DAB1: variants seen among roughly 807,000 people sequenced by gnomAD.
The protein encoded by DAB1 is disabled homolog 1.
Under a neutral mutation model 64.6 loss-of-function variants are expected in DAB1, and 15 were observed. The ratio of observed to expected loss-of-function variants is 0.23; its 90% CI spans 0.16 to 0.36. The LOEUF (loss-of-function observed/expected upper bound fraction) is 0.36, where lower values mean the gene tolerates loss of function less well. DAB1 is among the 10% of genes least tolerant of loss of function. DAB1 has a pLI of 1.00. For synonymous variants in DAB1, 235 were observed against 251.9 expected (o/e 0.93, Z 0.64); for missense variants, 596 against 706.7 (o/e 0.84, Z 1.78).
At chr1:57,688,788 C>G (rs889985560) in intron 6 of DAB1, among the ~76,000 whole-genome samples, 1 of 152,142 alleles carries the variant, frequency 6.6e-6, no homozygotes, top group African/African-American at 2.4e-5. Context: ...GCTAGTGACC[C>G]TGTTCCTAAG....
intron 7 of DAB1, among the ~76,000 whole-genome samples, chr1:57,069,909 G>A (rs771015558): frequency 5.3e-5 from 8 of 152,092 alleles, no homozygotes; most frequent in South Asian, 2.1e-4. Flanking sequence ...CTTATTTTGC[G>A]TTCTCACTTT....
In DAB1 at chr1:57,620,721, C is replaced by T. The variant is rs1038914523; in HGVS notation, n.625+28871G>A. On this transcript the variant is annotated intron_variant and non_coding_transcript_variant, in intron 7 of 20. Coordinates refer to the DAB1 transcript ENST00000485760. Reference sequence around the variant, plus strand: ...GCAGCAGCAGGAGTAGGGGAGAGAACACAGATGCAGAGAGGGAGAGCTAGA... The same window carrying T: ...GCAGCAGCAGGAGTAGGGGAGAGAATACAGATGCAGAGAGGGAGAGCTAGA... Among the ~76,000 whole-genome samples, 3 of 152,150 alleles carry T rather than the reference C, an allele frequency of 2.0e-5. No homozygotes were observed. The South Asian group carries it at 6.2e-4, about 31-fold the overall frequency.
At chr1:57,902,902 C>G (rs74072512) in intron 5 of DAB1, among the ~76,000 whole-genome samples, 1,787 of 152,268 alleles carry the variant, frequency 0.012, 37 homozygotes, top group African/African-American at 0.041. Flanking sequence ...CTAATAAAGA[C>G]ATACCCGAGA....
intron 5 of DAB1, chr1:58,056,084 A>C (rs772588985): frequency 1.3e-6 from 1 of 769,390 alleles, no homozygotes. Context: ...TTTCCATTTT[A>C]TTTTTCTCCA....
At position 57,926,193 on chromosome 1, in the gene DAB1, G is replaced by A. The variant is rs146948414; in HGVS notation, n.388-42031C>T. On this transcript the variant is annotated intron_variant and non_coding_transcript_variant, in intron 5 of 20. Transcript: ENST00000485760. ...GTTCTTTCCTTCTCCACAGAATGGCGAGGACAATGGGAGTTCCCAGGTATA... is the reference window on the plus strand; with the variant it reads ...GTTCTTTCCTTCTCCACAGAATGGCAAGGACAATGGGAGTTCCCAGGTATA... Among the ~76,000 whole-genome samples, 95 of 152,304 alleles carry A rather than the reference G, an allele frequency of 6.2e-4. 2 individuals carry two copies. The East Asian group carries it at 0.017, about 27-fold the overall frequency.
chr1:58,292,450 A>G (rs1661866798), intron 4 of DAB1, among the ~76,000 whole-genome samples: 1 of 152,232 alleles, frequency 6.6e-6, no homozygotes, highest in Non-Finnish European at 1.5e-5. Flanking sequence ...TAATTCTTCA[A>G]TTCCATTCAA....
chr1:57,364,256 C>A (rs1477140217), intron 1 of DAB1, among the ~76,000 whole-genome samples: 1 of 152,162 alleles, frequency 6.6e-6, no homozygotes, highest in African/African-American at 2.4e-5. Flanking sequence ...ACACTAAATG[C>A]AAGCATATTT....
At chr1:57,993,349 A>C (rs1646376838) in intron 5 of DAB1, among the ~76,000 whole-genome samples, 1 of 152,186 alleles carries the variant, frequency 6.6e-6, no homozygotes, top group Non-Finnish European at 1.5e-5. Flanking sequence ...AACCCACCGG[A>C]GTCTTTCCAA....
chr1:58,225,454 A>G (rs1409880331), intron 4 of DAB1, among the ~76,000 whole-genome samples: 1 of 151,798 alleles, frequency 6.6e-6, no homozygotes, highest in African/African-American at 2.4e-5. Flanking sequence ...CAGCCATCCC[A>G]TTACTGGGTA....
intron 4 of DAB1, among the ~76,000 whole-genome samples, chr1:58,179,781 A>G (rs912248678): frequency 2.6e-5 from 4 of 151,866 alleles, no homozygotes; most frequent in African/African-American, 7.2e-5. Flanking sequence ...TTAAATTTTT[A>G]GTTTTGTTGA....
intron 1 of DAB1, among the ~76,000 whole-genome samples, chr1:57,303,178 A>G (rs1200144775): frequency 6.6e-6 from 1 of 152,106 alleles, no homozygotes; most frequent in Non-Finnish European, 1.5e-5. Flanking sequence ...AGATCCTGGG[A>G]TGGGGGTTAT....
chr1:57,184,520 AAACCCTCATTATCAC>A (rs1663325725), intron 2 of DAB1, among the ~76,000 whole-genome samples: 1 of 152,190 alleles, frequency 6.6e-6, no homozygotes, highest in South Asian at 2.1e-4. Flanking sequence ...TTAACCTGGC[AAACCCTCATTATCAC>A]AGATTTCACA....
intron 7 of DAB1, among the ~76,000 whole-genome samples, chr1:57,484,042 G>A (rs959015084): frequency 6.6e-6 from 1 of 152,132 alleles, no homozygotes; most frequent in Non-Finnish European, 1.5e-5. Flanking sequence ...TGGGGGCAAG[G>A]TGGGCAAATT....
rs187682096 is a variant in DAB1, at chr1:57,336,229, G to A, written c.-136-45063C>T. Among the ~76,000 whole-genome samples the A allele has an allele frequency of 3.1e-3, 473 of 152,162 alleles. 5 individuals carry two copies. The highest frequency in any genetic ancestry group is 0.011 in the African/African-American group (442 of 41,516). On this transcript the variant is annotated intron_variant, in intron 1 of 14. Coordinates refer to ENST00000371236, the MANE Select transcript of DAB1 (RefSeq NM_001365792.1). ...CTAATACCTTGTTATAGCTCTTGTCGTTTTCTTTCTGAAGGCTGGAATGTA... is the reference window on the plus strand; with the variant it reads ...CTAATACCTTGTTATAGCTCTTGTCATTTTCTTTCTGAAGGCTGGAATGTA...
At chr1:58,363,097 C>T (rs919554406) in intron 3 of DAB1, among the ~76,000 whole-genome samples, 1 of 152,160 alleles carries the variant, frequency 6.6e-6, no homozygotes, top group Non-Finnish European at 1.5e-5. Flanking sequence ...ATCCTCATAA[C>T]TTCACCTGTC....
chr1:57,604,805 A>G (rs1645616991), intron 7 of DAB1, among the ~76,000 whole-genome samples: 1 of 152,214 alleles, frequency 6.6e-6, no homozygotes, highest in South Asian at 2.1e-4. Flanking sequence ...CCAACCTGTG[A>G]TAACTGAACT....
At chr1:57,177,214 C>T (rs1485566656) in intron 2 of DAB1, among the ~76,000 whole-genome samples, 1 of 152,028 alleles carries the variant, frequency 6.6e-6, no homozygotes, top group South Asian at 2.1e-4. Flanking sequence ...AAAATCAGTC[C>T]TTTTCCCTTA....
chr1:57,781,116 CTCTCTCTCTCTATATATATATATA>C (rs1178998919), intron 6 of DAB1, among the ~76,000 whole-genome samples: 35 of 59,054 alleles, frequency 5.9e-4, no homozygotes, highest in African/African-American at 2.1e-3. Flanking sequence ...CTCTCTCTCT[CTCTCTCTCTCTATATATATATATA>C]TATATATATA....
intron 3 of DAB1, among the ~76,000 whole-genome samples, chr1:58,477,129 A>G (rs942206171): frequency 4.6e-5 from 7 of 152,218 alleles, no homozygotes; most frequent in Non-Finnish European, 8.8e-5. Flanking sequence ...CCACTTGCCT[A>G]ATTCTCCAAG....
Sources: allele counts gnomAD v4.1 joint callset (sites outside exome capture counted in the v4.1 genomes callset), GRCh38; gene constraint gnomAD v4.1.1; transcripts MANE v1.5; gene names NCBI Gene and HGNC (gene_info 2026-07-23, HGNC 2026-07-21).